NOMO1: variants seen among roughly 807,000 people sequenced by gnomAD.
NOMO1 encodes the protein NODAL modulator 1, also known as nodal modulator 3.
A neutral mutation model predicts 133.8 loss-of-function variants in NOMO1; 40 were observed. The observed-to-expected ratio is 0.30, with a 90% CI of 0.23 to 0.39. The LOEUF is 0.39. Among genes scored for constraint, NOMO1 ranks in the 10% least tolerant of loss-of-function variants. The pLI is 1.00. For missense variants in NOMO1, 462 were observed against 1,419.9 expected (o/e 0.33, Z 10.84); for synonymous variants, 236 against 570.5 (o/e 0.41, Z 8.36).
intron 23 of NOMO1, among the ~76,000 whole-genome samples, chr16:14,879,098 A>G (rs1416825346): frequency 6.6e-6 from 1 of 151,886 alleles, no homozygotes; most frequent in African/African-American, 2.4e-5. Flanking sequence ...CCTGGCCACA[A>G]CGGCTGCTCT....
intron 16 of NOMO1, among the ~76,000 whole-genome samples, chr16:14,868,944 CT>C (rs1161863617): frequency 7.5e-4 from 107 of 142,036 alleles, no homozygotes; most frequent in Admixed American, 9.2e-4. Context: ...TTTTTTTTCT[CT>C]TTTTTTTTTT....
At chr16:14,846,295 A>G (rs2606848) in intron 4 of NOMO1, among the ~76,000 whole-genome samples, 89 of 151,192 alleles carry the variant, frequency 5.9e-4, no homozygotes, top group African/African-American at 1.8e-3. Context: ...CCAAAGTGCT[A>G]GGATTACAGG....
chr16:14,883,597 G>C (rs1022964192), intron 26 of NOMO1, among the ~76,000 whole-genome samples: 6 of 151,790 alleles, frequency 4.0e-5, no homozygotes, highest in African/African-American at 1.2e-4. Context: ...CTCCCAAAGT[G>C]CTGGGATTAC....
At position 14,846,539 on chromosome 16, in the gene NOMO1, C is replaced by G. The variant is rs1470374651; in HGVS notation, c.403-38C>G. The G allele has an allele frequency of 7.6e-6, 5 of 656,654 alleles. No individual in the cohort carries two copies. In the Admixed American group the frequency reaches 1.5e-4, roughly 20 times the overall value. The allele number at this position is 656,654 out of a possible 1,614,324, so 40.7% of individuals were successfully genotyped here. A position where few individuals can be genotyped will look rare whatever the true frequency, so the allele number is the denominator to read the frequency against. ...CTGCCAGTGCTTTGAGAGGAGGGTG[C>G]TTTGCTGGGTGGGCCCTAACTTTCT... On this transcript the variant is annotated intron_variant, in intron 4 of 30. Coordinates refer to ENST00000287667, the MANE Select transcript of NOMO1 (RefSeq NM_014287.4).
intron 1 of NOMO1, among the ~76,000 whole-genome samples, chr16:14,836,707 T>G (rs1488583833): frequency 1.4e-5 from 2 of 147,926 alleles, no homozygotes; most frequent in Admixed American, 1.3e-4. Context: ...TTTTTTTTTT[T>G]TTTTTTTTTG....
At chr16:14,839,864 C>T (rs923484661) in intron 2 of NOMO1, among the ~76,000 whole-genome samples, 3 of 150,236 alleles carry the variant, frequency 2.0e-5, no homozygotes, top group African/African-American at 7.3e-5. Context: ...GCCTCAGCCT[C>T]CCAAGTAGCT....
At chr16:14,850,569 A>G (rs1458480516) in intron 6 of NOMO1, among the ~76,000 whole-genome samples, 1 of 150,520 alleles carries the variant, frequency 6.6e-6, no homozygotes, top group Non-Finnish European at 1.5e-5. Context: ...GGACATCTTG[A>G]CATGTTAGCT....
chr16:14,858,983 A>G (rs1350672873), intron 11 of NOMO1, among the ~76,000 whole-genome samples: 1 of 151,980 alleles, frequency 6.6e-6, no homozygotes, highest in Non-Finnish European at 1.5e-5. Flanking sequence ...ATTTGGCCAC[A>G]TTGGTCTGTA....
Position 14,895,575 on chromosome 16 carries a change from C to T in NOMO1, c.3599C>T (p.Ala1200Val). Residue 1200 changes from alanine to valine, a missense_variant, in exon 31 of 31, where the codon GCA (alanine) becomes GTA (valine). Coordinates refer to ENST00000287667, the MANE Select transcript of NOMO1 (RefSeq NM_014287.4). ...RLQGVRALGQAASDNSGPEDA... is the reference protein window; with the variant it reads ...RLQGVRALGQVASDNSGPEDA... ...CAGGGAGTCCGCGCGCTCGGCCAGG[C>T]AGCCTCTGACAATAGCGGCCCAGAA... The T allele has an allele frequency of 6.2e-7, 1 of 1,612,040 alleles. No homozygotes were observed.
At chr16:14,886,235 T>G (rs1242139472) in intron 27 of NOMO1, among the ~76,000 whole-genome samples, 548 of 148,238 alleles carry the variant, frequency 3.7e-3, no homozygotes, top group Admixed American at 0.012. Context: ...TTTAACAGAT[T>G]GGTGGAGTTA....
At position 14,845,858 on chromosome 16, in the gene NOMO1, C is replaced by T. The variant is rs576754599; in HGVS notation, c.403-719C>T. Among the ~76,000 whole-genome samples the T allele has an allele frequency of 5.4e-3, 817 of 151,382 alleles. 12 individuals carry two copies. The highest frequency in any genetic ancestry group is 0.019 in the African/African-American group (789 of 41,284). On this transcript the variant is annotated intron_variant, in intron 4 of 30. Coordinates refer to ENST00000287667, the MANE Select transcript of NOMO1 (RefSeq NM_014287.4). ...TATTTATTTTTTTGAGACAGAGTCT[C>T]GCTCTGTGGCCTAAGCTGGAGTGCA...
intron 9 of NOMO1, among the ~76,000 whole-genome samples, chr16:14,856,493 C>A (rs1419978901): frequency 4.0e-5 from 6 of 151,538 alleles, no homozygotes; most frequent in Non-Finnish European, 5.9e-5. Context: ...CTCACTGCAA[C>A]CTCCGCATCC....
rs142422425 is a variant in NOMO1 at position 14,846,678 on chromosome 16, C to A, written c.504C>A (p.Gly168=). Residue 168 remains glycine (G), a synonymous_variant, in exon 5 of 31, where the codon GGC becomes GGA. Coordinates refer to ENST00000287667, the MANE Select transcript of NOMO1 (RefSeq NM_014287.4). The stretch of plus-strand genomic sequence containing the variant: ...TCCAGTCCACAGTTACACAGCCTGG[C>A]GGAAAGTGAGTAGCGTCCTGTCTCT... ...AKIQSTVTQP[G]GKFAFFKVLP... 534 of 1,216,454 alleles carry A rather than the reference C, an allele frequency of 4.4e-4. 9 individuals carry two copies. In the African/African-American group the frequency reaches 7.9e-3, roughly 18 times the overall value. 75.4% of individuals were successfully genotyped at this position (1,216,454 alleles called of 1,614,324 possible).
At chr16:14,884,560 T>C in intron 27 of NOMO1, 78 bp downstream of exon 27, 1 of 1,606,194 alleles carries the variant, frequency 6.2e-7, no homozygotes. Context: ...GTTTTTGGGT[T>C]TGTGCCTGTC....
chr16:14,895,299 C>G (rs1341095192), intron 30 of NOMO1, among the ~76,000 whole-genome samples: 1 of 145,466 alleles, frequency 6.9e-6, no homozygotes, highest in Non-Finnish European at 1.5e-5. Context: ...ACCTGGAACA[C>G]CTCTAGGGAC....
At chr16:14,870,924 G>A (rs1964072620) in intron 16 of NOMO1, among the ~76,000 whole-genome samples, 1 of 150,364 alleles carries the variant, frequency 6.7e-6, no homozygotes, top group African/African-American at 2.4e-5. Context: ...AAAACAAACA[G>A]AGAAACCTGA....
intron 23 of NOMO1, among the ~76,000 whole-genome samples, chr16:14,879,740 G>GAA (rs370226264): frequency 2.2e-5 from 2 of 92,092 alleles, no homozygotes; most frequent in Admixed American, 1.1e-4. Flanking sequence ...CCCTGTCTCA[G>GAA]AAAAAAAAAA....
intron 28 of NOMO1, among the ~76,000 whole-genome samples, chr16:14,887,653 C>G (rs985615102): frequency 1.6e-4 from 25 of 152,168 alleles, no homozygotes; most frequent in Middle Eastern, 3.4e-3. Context: ...TAGGAAACGC[C>G]ATGATTTATT....
In NOMO1 at chr16:14,882,957, T is replaced by A. The variant is rs549386754; in HGVS notation, c.3111+280T>A. On this transcript the variant is annotated intron_variant, in intron 26 of 30. Transcript: ENST00000287667. ...ATCATTATTCTGCAAGTTAAGGAAC[T>A]TAAGGCCTAAGCAGCATTTCAAATC... Among the ~76,000 whole-genome samples the A allele has an allele frequency of 1.3e-5, 2 of 152,210 alleles. 1 individual carries two copies. The highest frequency in any genetic ancestry group is 1.3e-4 in the Admixed American group (2 of 15,294).
Sources: gnomAD v4.1 joint callset for allele counts (sites outside exome capture counted in the v4.1 genomes callset) on GRCh38, gnomAD v4.1.1 for gene constraint, MANE v1.5 for transcripts, NCBI Gene and HGNC (gene_info 2026-07-23, HGNC 2026-07-21) for gene names.